The following PCNX1 variants were observed in gnomAD, a reference collection of about 807,000 sequenced individuals.
The protein encoded by PCNX1 is pecanex 1, also known as pecanex-like protein 1.
A neutral mutation model predicts 242.2 loss-of-function variants in PCNX1; 78 were observed. The ratio of observed to expected loss-of-function variants is 0.32; its 90% CI spans 0.27 to 0.39. PCNX1 has a LOEUF of 0.39. PCNX1 is among the 10% of genes least tolerant of loss of function. The pLI is 1.00. For missense variants in PCNX1, 2,581 were observed against 2,856.5 expected, an observed-to-expected ratio of 0.90 and a Z score of 2.20; for synonymous variants, 1,024 against 1,032.9, an observed-to-expected ratio of 0.99 and a Z score of 0.17.
chr14:70,907,677 G>T lies in PCNX1; in HGVS notation c.-174G>T. 1.4e-6 allele frequency: 1 copy of T among 728,558 alleles called. No individual in the cohort carries two copies. The highest frequency in any genetic ancestry group is 1.8e-6 in the Non-Finnish European group (1 of 554,662). The allele number at this position is 728,558 out of a possible 1,614,324, so 45.1% of individuals were successfully genotyped here. ...TCGGGTCTCCTCCTCCTCGTTTGCT[G>T]CCTCCTCCTCCTCCTGCAGCAGCAC... On this transcript the variant is annotated 5_prime_UTR_variant, in exon 1 of 36. Transcript: ENST00000304743.
chr14:70,918,340 G>A (rs963385253), intron 1 of PCNX1, among the ~76,000 whole-genome samples: 23 of 152,142 alleles, frequency 1.5e-4, no homozygotes, highest in Non-Finnish European at 2.1e-4. Flanking sequence ...TGAGAGAAAC[G>A]TGACTCTTCC....
chr14:71,021,222 T>G (rs1443689497), intron 12 of PCNX1, among the ~76,000 whole-genome samples: 1 of 152,162 alleles, frequency 6.6e-6, no homozygotes, highest in East Asian at 1.9e-4. Flanking sequence ...TTTTTTTGCT[T>G]AGGATTGTCT....
rs2058713590 is a variant in PCNX1, at chr14:70,977,195, T to C, written c.858T>C (p.Thr286=). The C allele has an allele frequency of 6.2e-7, 1 of 1,614,126 alleles. No individual in the cohort carries two copies. The highest frequency in any genetic ancestry group is 1.7e-5 in the Admixed American group (1 of 60,004). ...KDHRPRGVPR[T]SSSAVAFPDT... ...ACCGGCCGCGAGGTGTACCACGGACTTCTAGCTCTGCTGTGGCTTTTCCAG... is the reference window on the plus strand; with the variant it reads ...ACCGGCCGCGAGGTGTACCACGGACCTCTAGCTCTGCTGTGGCTTTTCCAG... Residue 286 remains threonine, a synonymous_variant, in exon 6 of 36, where the codon ACT becomes ACC. Transcript: ENST00000304743.
intron 28 of PCNX1, among the ~76,000 whole-genome samples, chr14:71,077,655 G>A (rs866051326): frequency 1.3e-5 from 2 of 152,178 alleles, no homozygotes; most frequent in South Asian, 4.1e-4. Context: ...TAGTGAGTTG[G>A]ATAAAATAAC....
intron 1 of PCNX1, among the ~76,000 whole-genome samples, chr14:70,941,288 G>T (rs1187486939): frequency 6.6e-6 from 1 of 152,180 alleles, no homozygotes; most frequent in Non-Finnish European, 1.5e-5. Flanking sequence ...TTTGATGATG[G>T]TGACCTACAG....
chr14:71,048,204 A>G (rs1200773134), intron 22 of PCNX1, among the ~76,000 whole-genome samples: 4 of 152,210 alleles, frequency 2.6e-5, no homozygotes, highest in African/African-American at 7.2e-5. Context: ...ATAAAGTTAC[A>G]TAAAACAATT....
rs1480895382 is a variant in PCNX1 at position 71,013,070 on chromosome 14, A to G, written c.2864A>G (p.Asp955Gly). ...LEQQDIDLSP[D>G]LAATYGPTEE... ...CAACAGGACATTGATCTAAGCCCTG[A>G]CTTGGCAGCTACTTACGGCCCAACA... The change falls in exon 11 of 36, where the codon GAC becomes GGC. Residue 955 changes from aspartate to glycine, a missense_variant. Transcript: ENST00000304743. The G allele has an allele frequency of 6.2e-7, 1 of 1,614,108 alleles. No homozygotes were observed. The highest frequency in any genetic ancestry group is 1.1e-5 in the South Asian group (1 of 91,080).
At chr14:71,023,345 A>G in intron 13 of PCNX1, 113 bp downstream of exon 13, 1 of 724,808 alleles carries the variant, frequency 1.4e-6, no homozygotes. Flanking sequence ...CTGAACTAAA[A>G]TTTATGTTAT....
intron 8 of PCNX1, among the ~76,000 whole-genome samples, chr14:71,002,605 A>T (rs2059536702): frequency 6.6e-6 from 1 of 152,158 alleles, no homozygotes; most frequent in South Asian, 2.1e-4. Flanking sequence ...ATATAAATGG[A>T]GTCATATAGT....
At chr14:70,949,799 T>C (rs1175188731) in intron 2 of PCNX1, among the ~76,000 whole-genome samples, 1 of 152,210 alleles carries the variant, frequency 6.6e-6, no homozygotes, top group Non-Finnish European at 1.5e-5. Flanking sequence ...AGTCAAAAGT[T>C]TGTGACCTTA....
intron 1 of PCNX1, among the ~76,000 whole-genome samples, chr14:70,930,363 T>C (rs1208161354): frequency 6.6e-6 from 1 of 152,204 alleles, no homozygotes; most frequent in Non-Finnish European, 1.5e-5. Flanking sequence ...ACTTCTGCCC[T>C]GAGTAATAGA....
chr14:70,977,088 G>C lies in PCNX1; in HGVS notation c.751G>C (p.Val251Leu), dbSNP rs772101429. 6.2e-7 allele frequency: 1 copy of C among 1,614,096 alleles called. No individual in the cohort carries two copies. The highest frequency in any genetic ancestry group is 8.5e-7 in the Non-Finnish European group (1 of 1,180,016). ...NLPSHNHHHH[V>L]DQSLSSACDT... ...GCCAAGTCATAACCACCACCACCATGTTGATCAGTCTCTGTCCAGCGCCTG... is the reference window on the plus strand; with the variant it reads ...GCCAAGTCATAACCACCACCACCATCTTGATCAGTCTCTGTCCAGCGCCTG... The change falls in exon 6 of 36, where the codon GTT becomes CTT. Residue 251 changes from valine to leucine, a missense_variant. By Grantham distance (32) the Val-to-Leu change is conservative (BLOSUM62 1). Coordinates refer to ENST00000304743, the MANE Select transcript of PCNX1 (RefSeq NM_014982.3).
chr14:70,914,898 A>C (rs1445116343), intron 1 of PCNX1, among the ~76,000 whole-genome samples: 1 of 151,986 alleles, frequency 6.6e-6, no homozygotes, highest in Non-Finnish European at 1.5e-5. Flanking sequence ...CATGTTGTAG[A>C]ATATCAGCGT....
intron 2 of PCNX1, among the ~76,000 whole-genome samples, chr14:70,949,461 TACGCATGTGTATATATATACACAC>T (rs1379526468): frequency 2.0e-5 from 3 of 151,810 alleles, no homozygotes; most frequent in African/African-American, 7.3e-5. Flanking sequence ...AATATACACA[TACGCATGTGTATATATATACACAC>T]ACACCTTAAG....
chr14:70,981,351 A>G (rs1051175579), intron 6 of PCNX1, among the ~76,000 whole-genome samples: 1 of 152,234 alleles, frequency 6.6e-6, no homozygotes, highest in African/African-American at 2.4e-5. Context: ...GAGATAGTCT[A>G]AGTGTGCCAT....
chr14:70,999,177 C>G (rs184052647), intron 8 of PCNX1, among the ~76,000 whole-genome samples: 1 of 152,174 alleles, frequency 6.6e-6, no homozygotes, highest in Non-Finnish European at 1.5e-5. Context: ...TGGCACTTCT[C>G]AGTTACTAAT....
intron 18 of PCNX1, among the ~76,000 whole-genome samples, chr14:71,034,792 A>G (rs2060484446): frequency 6.6e-6 from 1 of 152,212 alleles, no homozygotes; most frequent in South Asian, 2.1e-4. Context: ...ATATCAAGAT[A>G]TTAGAATGAC....
intron 8 of PCNX1, among the ~76,000 whole-genome samples, chr14:71,000,745 C>T (rs1213565636): frequency 2.0e-5 from 3 of 152,010 alleles, no homozygotes; most frequent in Non-Finnish European, 2.9e-5. Flanking sequence ...AGGCTGGTCT[C>T]GAGCTCCTGA....
chr14:71,064,509 T>TA (rs2061400767), intron 26 of PCNX1, among the ~76,000 whole-genome samples: 1 of 152,188 alleles, frequency 6.6e-6, no homozygotes, highest in African/African-American at 2.4e-5. Flanking sequence ...CTGCACAAAA[T>TA]ACAGCTCTTG....
Sources: allele counts gnomAD v4.1 joint callset (sites outside exome capture counted in the v4.1 genomes callset), GRCh38; gene constraint gnomAD v4.1.1; transcripts MANE v1.5; gene names NCBI Gene and HGNC (gene_info 2026-07-23, HGNC 2026-07-21).